SLURP2: variants seen among roughly 807,000 people sequenced by gnomAD.
SLURP2 encodes the protein secreted LY6/PLAUR domain containing 2, also known as secreted Ly-6/uPAR domain-containing protein 2.
SLURP2 carries 4 observed loss-of-function variants against 9.8 expected under a neutral mutation model. The observed-to-expected ratio is 0.41, with a 90% CI of 0.20 to 0.94. SLURP2 has a LOEUF of 0.94. Ranked by LOEUF, SLURP2 falls within the 40% of genes least tolerant of loss-of-function variation. The probability of loss-of-function intolerance (pLI) is 0.32; values close to 1 mark genes in which losing one functional copy is unlikely to be tolerated. For synonymous variants in SLURP2, 58 were observed against 56.2 expected, an observed-to-expected ratio of 1.03 and a Z score of -0.15; for missense variants, 118 against 126.4, an observed-to-expected ratio of 0.93 and a Z score of 0.32.
chr8:142,767,097 G>A (rs373017759), intron 1 of SLURP2, among the ~76,000 whole-genome samples: 1 of 152,226 alleles, frequency 6.6e-6, no homozygotes, highest in East Asian at 1.9e-4. Flanking sequence ...GCTGACCTCA[G>A]ACCTCAGTGC....
Position 142,764,748 on chromosome 8 carries a change from G to T in SLURP2, c.158-7C>A, listed in dbSNP as rs367624912. On this transcript the variant is annotated splice_region_variant and splice_polypyrimidine_tract_variant and intron_variant, in intron 2 of 2. Transcript: ENST00000317543. ...TCGGTGTTGCTGAGGACCCCTGAGT[G>T]GGCAGGAGAGAAACCATGGAGCTCC... 6.2e-7 allele frequency: 1 copy of T among 1,612,600 alleles called. No individual in the cohort carries two copies. Among genetic ancestry groups the T allele is most frequent in the South Asian group, 1.1e-5 (1 of 90,986 alleles).
chr8:142,764,437 G>T lies in SLURP2; in HGVS notation c.*168C>A. On this transcript the variant is annotated 3_prime_UTR_variant, in exon 3 of 3. Coordinates refer to ENST00000317543, the MANE Select transcript of SLURP2 (RefSeq NM_177458.3). ...CAGGCTTGGACGGCAGCAGATTGAG[G>T]CAAGACTCCACGCAGGACTTCCCTA... is the stretch of plus-strand genomic sequence containing the variant. The T allele has an allele frequency of 1.3e-6, 1 of 772,032 alleles. No homozygotes were observed. The highest frequency in any genetic ancestry group is 2.2e-6 in the Non-Finnish European group (1 of 454,432). 47.8% of individuals were successfully genotyped at this position (772,032 alleles called of 1,614,324 possible).
In SLURP2 at chr8:142,764,341, T is replaced by C. The variant is rs1814922910; in HGVS notation, c.*264A>G. On this transcript the variant is annotated 3_prime_UTR_variant, in exon 3 of 3. Coordinates refer to ENST00000317543, the MANE Select transcript of SLURP2 (RefSeq NM_177458.3). ...GACTCCACTCTCACTGCATAGCTTG[T>C]ACCACACGATCCAATCACATTTTAT... 4.9e-6 allele frequency: 3 copies of C among 609,266 alleles called. No individual in the cohort carries two copies. The highest frequency in any genetic ancestry group is 5.9e-6 in the Non-Finnish European group (2 of 340,370). 37.7% of individuals were successfully genotyped at this position (609,266 alleles called of 1,614,324 possible). A position where few individuals can be genotyped will look rare whatever the true frequency, so the allele number is the denominator to read the frequency against.
chr8:142,765,835 T>C (rs1200548626), intron 1 of SLURP2, among the ~76,000 whole-genome samples: 1 of 151,892 alleles, frequency 6.6e-6, no homozygotes, highest in East Asian at 1.9e-4. Context: ...TGGTGGCGTG[T>C]GCCTGTAATC....
In SLURP2 at chr8:142,764,375, G is replaced by A; in HGVS notation, c.*230C>T. The A allele has an allele frequency of 4.6e-6, 3 of 653,450 alleles. No individual in the cohort carries two copies. The highest frequency in any genetic ancestry group is 8.2e-6 in the Non-Finnish European group (3 of 367,458). 40.5% of individuals were successfully genotyped at this position (653,450 alleles called of 1,614,324 possible). A position where few individuals can be genotyped will look rare whatever the true frequency, so the allele number is the denominator to read the frequency against. On this transcript the variant is annotated 3_prime_UTR_variant, in exon 3 of 3. Transcript: ENST00000317543. ...ATCCAATCACATTTTATTGTGGGGA[G>A]GTCGGGACCTGAAGGGGCGGCAGGC...
At position 142,765,046 on chromosome 8, in the gene SLURP2, G is replaced by A. The variant is rs778913621; in HGVS notation, c.147C>T (p.Thr49=). The A allele has an allele frequency of 6.2e-7, 1 of 1,611,386 alleles. No homozygotes were observed. Among genetic ancestry groups the A allele is most frequent in the Non-Finnish European group, 8.5e-7 (1 of 1,179,096 alleles). The stretch of plus-strand genomic sequence containing the variant: ...ACTGTTCCCACTTACGGGTGGCAGT[G>A]GTGACACAGTGGGTGGAGTCCCTCA... ...RCLRDSTHCV[T]TATRVLSNTE... The change falls in exon 2 of 3, where the codon ACC becomes ACT. Residue 49 remains threonine (T), a synonymous_variant. Coordinates refer to ENST00000317543, the MANE Select transcript of SLURP2 (RefSeq NM_177458.3).
rs371516279 is a variant in SLURP2, at chr8:142,764,558, G to T, written c.*47C>A. 1 of 1,583,876 alleles carries T rather than the reference G, an allele frequency of 6.3e-7. No homozygotes were observed. The highest frequency in any genetic ancestry group is 8.6e-7 in the Non-Finnish European group (1 of 1,166,242). On this transcript the variant is annotated 3_prime_UTR_variant, in exon 3 of 3. Coordinates refer to ENST00000317543, the MANE Select transcript of SLURP2 (RefSeq NM_177458.3). ...GCTGTGAGCCCTGGCGCCAGGCTGT[G>T]GGGGCTGTGGGGGCTGAGCGTCCGG...
intron 1 of SLURP2, among the ~76,000 whole-genome samples, chr8:142,766,823 G>A (rs1047667570): frequency 2.0e-5 from 3 of 152,194 alleles, no homozygotes. Context: ...GAGCCTGCAG[G>A]GTGACAAGGC....
rs587710843 is a variant in SLURP2 at position 142,769,437 on chromosome 8, C to T, written c.52+318G>A. ...GGCACATTCAGAGTGTGTGTGTGCA[C>T]GTGCACGAAGGTGCGTGTGTGAGGG... On this transcript the variant is annotated intron_variant, in intron 1 of 2. Coordinates refer to ENST00000317543, the MANE Select transcript of SLURP2 (RefSeq NM_177458.3). Among the ~76,000 whole-genome samples the T allele has an allele frequency of 3.4e-5, 5 of 147,720 alleles. No homozygotes were observed. The East Asian group carries it at 6.1e-4, about 18-fold the overall frequency.
In SLURP2 at chr8:142,764,374, A is replaced by G. The variant is rs978790244; in HGVS notation, c.*231T>C. On this transcript the variant is annotated 3_prime_UTR_variant, in exon 3 of 3. Transcript: ENST00000317543. ...GATCCAATCACATTTTATTGTGGGG[A>G]GGTCGGGACCTGAAGGGGCGGCAGG... is the stretch of plus-strand genomic sequence containing the variant. 1 of 650,200 alleles carries G rather than the reference A, an allele frequency of 1.5e-6. No individual in the cohort carries two copies. The highest frequency in any genetic ancestry group is 1.7e-5 in the South Asian group (1 of 59,950). The allele number at this position is 650,200 out of a possible 1,614,324, so 40.3% of individuals were successfully genotyped here.
At chr8:142,764,987 C>A in intron 2 of SLURP2, 49 bp downstream of exon 2, 1 of 1,491,190 alleles carries the variant, frequency 6.7e-7, no homozygotes, top group Non-Finnish European at 9.2e-7. Flanking sequence ...CCCACATCTT[C>A]CCACCTGGGC....
At chr8:142,767,827 G>A (rs781039825) in intron 1 of SLURP2, among the ~76,000 whole-genome samples, 2 of 152,040 alleles carry the variant, frequency 1.3e-5, no homozygotes, top group African/African-American at 4.8e-5. Context: ...TGGGCAGGGC[G>A]TTCTACCCAT....
intron 1 of SLURP2, among the ~76,000 whole-genome samples, chr8:142,765,618 C>T (rs2572871): frequency 1.8e-4 from 27 of 152,062 alleles, no homozygotes; most frequent in African/African-American, 6.0e-4. Flanking sequence ...CACAGGGAGC[C>T]CAGGGCAAGG....
chr8:142,764,537 T>G lies in SLURP2; in HGVS notation c.*68A>C. 1 of 1,541,208 alleles carries G rather than the reference T, an allele frequency of 6.5e-7. No homozygotes were observed. The highest frequency in any genetic ancestry group is 8.8e-7 in the Non-Finnish European group (1 of 1,132,538). On this transcript the variant is annotated 3_prime_UTR_variant, in exon 3 of 3. Coordinates refer to ENST00000317543, the MANE Select transcript of SLURP2 (RefSeq NM_177458.3). ...GCCAGTCTCGAGGGAGGGGCAGCTG[T>G]GAGCCCTGGCGCCAGGCTGTGGGGG...
At chr8:142,766,977 G>GC (rs1187522066) in intron 1 of SLURP2, among the ~76,000 whole-genome samples, 3 of 151,956 alleles carry the variant, frequency 2.0e-5, no homozygotes, top group Non-Finnish European at 2.9e-5. Flanking sequence ...CTGCTGGGCT[G>GC]CCCCCGCCTC....
intron 1 of SLURP2, among the ~76,000 whole-genome samples, chr8:142,769,425 T>G (rs1587607286): frequency 7.4e-6 from 1 of 135,050 alleles, no homozygotes; most frequent in Admixed American, 7.4e-5. Context: ...ACATTCAGAG[T>G]GTGTGTGTGC....
rs1486937703 is a variant in SLURP2, at chr8:142,764,525, GA to G, written c.*79del. On this transcript the variant is annotated 3_prime_UTR_variant, in exon 3 of 3. Coordinates refer to ENST00000317543, the MANE Select transcript of SLURP2 (RefSeq NM_177458.3). The stretch of plus-strand genomic sequence containing the variant: ...AGAGGTGGGCTGGCCAGTCTCGAGG[GA>G]GGGGCAGCTGTGAGCCCTGGCGCCA... 1 of 1,443,326 alleles carries G rather than the reference GA, an allele frequency of 6.9e-7. No individual in the cohort carries two copies. Among genetic ancestry groups the G allele is most frequent in the Admixed American group, 2.1e-5 (1 of 48,208 alleles). The allele number at this position is 1,443,326 out of a possible 1,614,324, so 89.4% of individuals were successfully genotyped here. A position where few individuals can be genotyped will look rare whatever the true frequency, so the allele number is the denominator to read the frequency against.
rs587727782 is a variant in SLURP2 at position 142,764,447 on chromosome 8, A to G, written c.*158T>C. 1 of 814,858 alleles carries G rather than the reference A, an allele frequency of 1.2e-6. No individual in the cohort carries two copies. The highest frequency in any genetic ancestry group is 2.7e-5 in the East Asian group (1 of 37,622). The allele number at this position is 814,858 out of a possible 1,614,324, so 50.5% of individuals were successfully genotyped here. A position where few individuals can be genotyped will look rare whatever the true frequency, so the allele number is the denominator to read the frequency against. On this transcript the variant is annotated 3_prime_UTR_variant, in exon 3 of 3. Transcript: ENST00000317543. ...CGGCAGCAGATTGAGGCAAGACTCCACGCAGGACTTCCCTAGGACAAGCGG... is the reference window on the plus strand; with the variant it reads ...CGGCAGCAGATTGAGGCAAGACTCCGCGCAGGACTTCCCTAGGACAAGCGG...
At position 142,764,389 on chromosome 8, in the gene SLURP2, G is replaced by T. The variant is rs920872982; in HGVS notation, c.*216C>A. 1.2e-5 allele frequency: 8 copies of T among 665,604 alleles called. No individual in the cohort carries two copies. Among genetic ancestry groups the T allele is most frequent in the African/African-American group, 3.6e-5 (2 of 55,070 alleles). The allele number at this position is 665,604 out of a possible 1,614,324, so 41.2% of individuals were successfully genotyped here. On this transcript the variant is annotated 3_prime_UTR_variant, in exon 3 of 3. Transcript: ENST00000317543. ...TATTGTGGGGAGGTCGGGACCTGAA[G>T]GGGCGGCAGGCACGATGGGCCCCAG...
Sources: gnomAD v4.1 joint callset for allele counts (sites outside exome capture counted in the v4.1 genomes callset) on GRCh38, gnomAD v4.1.1 for gene constraint, MANE v1.5 for transcripts, NCBI Gene and HGNC (gene_info 2026-07-23, HGNC 2026-07-21) for gene names.